Variants in GABRB1 observed in about 807,000 individuals in gnomAD.
The protein encoded by GABRB1 is gamma-aminobutyric acid type A receptor subunit beta1.
In GABRB1, 17 loss-of-function variants were observed where a neutral mutation model predicts 51.6. The ratio of observed to expected loss-of-function variants is 0.33; its 90% confidence interval spans 0.23 to 0.49. The LOEUF is 0.49. GABRB1 is among the 20% of genes least tolerant of loss of function. The pLI is 0.99. For synonymous variants in GABRB1, 247 were observed against 218.9 expected, an observed-to-expected ratio of 1.13 and a Z score of -1.14; for missense variants, 410 against 600.6, an observed-to-expected ratio of 0.68 and a Z score of 3.32.
chr4:47,150,610 T>C (rs1717397237), intron 3 of GABRB1, among the ~76,000 whole-genome samples: 1 of 146,310 alleles, frequency 6.8e-6, no homozygotes, highest in South Asian at 2.3e-4. Flanking sequence ...AATAAATATA[T>C]ACTATCTTTT....
At chr4:47,133,662 G>A (rs1716517417) in intron 3 of GABRB1, among the ~76,000 whole-genome samples, 1 of 152,156 alleles carries the variant, frequency 6.6e-6, no homozygotes. Context: ...TCCCATCTGA[G>A]TTAGTTTGAC....
At chr4:47,145,930 A>G (rs1717149460) in intron 3 of GABRB1, among the ~76,000 whole-genome samples, 1 of 152,048 alleles carries the variant, frequency 6.6e-6, no homozygotes, top group Non-Finnish European at 1.5e-5. Context: ...GCATCAGCAC[A>G]GCCTTTTTTT....
intron 5 of GABRB1, among the ~76,000 whole-genome samples, chr4:47,323,313 T>C (rs1388312288): frequency 6.6e-6 from 1 of 152,204 alleles, no homozygotes; most frequent in Non-Finnish European, 1.5e-5. Context: ...TAACAATAGA[T>C]AAACCAATGT....
chr4:47,357,641 A>T (rs1402447735), intron 5 of GABRB1, among the ~76,000 whole-genome samples: 1 of 152,212 alleles, frequency 6.6e-6, no homozygotes, highest in African/African-American at 2.4e-5. Context: ...CCATAACAGC[A>T]GCTTCTAAAG....
At chr4:47,254,361 GTTTTTTTTTTTT>G (rs56838956) in intron 4 of GABRB1, among the ~76,000 whole-genome samples, 54 of 80,960 alleles carry the variant, frequency 6.7e-4, no homozygotes, top group African/African-American at 2.5e-3. Context: ...TCTTTTCTTT[GTTTTTTTTTTTT>G]TTTTTTTTTT....
rs138333192 is a variant in GABRB1, at chr4:47,049,134, C to G, written c.240+16650C>G. Among the ~76,000 whole-genome samples the G allele has an allele frequency of 1.4e-3, 206 of 152,008 alleles. 2 individuals are homozygous for G. The highest frequency in any genetic ancestry group is 4.8e-3 in the African/African-American group (198 of 41,446). ...CAAATCCAAGTTTTCGTTGCTCCCT[C>G]CTTTGGCATCCATGTCATGGTTCAT... On this transcript the variant is annotated intron_variant, in intron 3 of 8. Transcript: ENST00000295454.
chr4:47,426,342 C>A lies in GABRB1; in HGVS notation c.*324C>A, dbSNP rs372181109. 3.8e-4 allele frequency: 68 copies of A among 178,458 alleles called. No homozygotes were observed. The highest frequency in any genetic ancestry group is 6.4e-4 in the Non-Finnish European group (56 of 87,836). 11.1% of individuals were successfully genotyped at this position (178,458 alleles called of 1,614,324 possible). ...TCTTTTCTAGTTTCCCTGGATTTCACTGATTTATTTTTTAGGGAAAATGAA... is the reference window on the plus strand; with the variant it reads ...TCTTTTCTAGTTTCCCTGGATTTCAATGATTTATTTTTTAGGGAAAATGAA... On this transcript the variant is annotated 3_prime_UTR_variant, in exon 9 of 9. Coordinates refer to ENST00000295454, the MANE Select transcript of GABRB1 (RefSeq NM_000812.4).
intron 4 of GABRB1, among the ~76,000 whole-genome samples, chr4:47,294,865 G>C (rs920349825): frequency 4.8e-4 from 73 of 152,172 alleles, no homozygotes; most frequent in African/African-American, 1.6e-3. Context: ...CCACAGTAGG[G>C]GCAGACTGAC....
At chr4:47,365,073 C>T (rs1726929937) in intron 5 of GABRB1, among the ~76,000 whole-genome samples, 1 of 152,218 alleles carries the variant, frequency 6.6e-6, no homozygotes, top group Non-Finnish European at 1.5e-5. Flanking sequence ...GAGAGGAAAG[C>T]AGTGAGCACC....
chr4:47,019,558 T>TCTCTCC, intron 1 of GABRB1, among the ~76,000 whole-genome samples: 1 of 150,960 alleles, frequency 6.6e-6, no homozygotes, highest in Admixed American at 6.6e-5. Flanking sequence ...TTTCTCTCTC[T>TCTCTCC]CTCTCTCTCT....
At chr4:47,419,107 C>T (rs150235154) in intron 8 of GABRB1, among the ~76,000 whole-genome samples, 30 of 152,180 alleles carry the variant, frequency 2.0e-4, no homozygotes, top group Non-Finnish European at 3.2e-4. Flanking sequence ...GACCATTTTC[C>T]TCCATAACAA....
intron 3 of GABRB1, among the ~76,000 whole-genome samples, chr4:47,082,936 A>G (rs1308289274): frequency 6.6e-6 from 1 of 152,120 alleles, no homozygotes; most frequent in Non-Finnish European, 1.5e-5. Flanking sequence ...GAAATCAGGA[A>G]TTTACCTTAA....
intron 7 of GABRB1, among the ~76,000 whole-genome samples, chr4:47,405,614 C>T (rs1045997066): frequency 6.6e-6 from 1 of 152,088 alleles, no homozygotes; most frequent in Admixed American, 6.5e-5. Flanking sequence ...GAATAACATA[C>T]AGTCCCTATC....
chr4:47,022,826 T>G (rs1185191247), intron 1 of GABRB1, among the ~76,000 whole-genome samples: 9 of 152,074 alleles, frequency 5.9e-5, no homozygotes, highest in Non-Finnish European at 7.4e-5. Context: ...TGCTAGGTAT[T>G]TATCCAAAAG....
At chr4:47,131,145 A>C (rs1464038710) in intron 3 of GABRB1, among the ~76,000 whole-genome samples, 2 of 152,118 alleles carry the variant, frequency 1.3e-5, no homozygotes, top group East Asian at 1.9e-4. Context: ...GCTTAAGTCC[A>C]AACTTTCTTC....
chr4:47,415,313 T>A (rs1310903714), intron 8 of GABRB1, among the ~76,000 whole-genome samples: 3 of 152,202 alleles, frequency 2.0e-5, no homozygotes, highest in African/African-American at 4.8e-5. Flanking sequence ...CCAAACAATT[T>A]GTCAGAAGTA....
intron 4 of GABRB1, among the ~76,000 whole-genome samples, chr4:47,206,562 A>T (rs1047821806): frequency 6.6e-6 from 1 of 151,988 alleles, no homozygotes; most frequent in African/African-American, 2.4e-5. Context: ...TTTGTTGCTT[A>T]CTATGTGTGA....
chr4:47,414,867 C>T (rs779083105), intron 8 of GABRB1, among the ~76,000 whole-genome samples: 6 of 152,160 alleles, frequency 3.9e-5, no homozygotes, highest in Non-Finnish European at 8.8e-5. Context: ...CAGCTTGAAA[C>T]AGCTCCCTAT....
At chr4:47,223,018 A>G (rs1055776943) in intron 4 of GABRB1, among the ~76,000 whole-genome samples, 8 of 152,142 alleles carry the variant, frequency 5.3e-5, no homozygotes, top group African/African-American at 1.9e-4. Flanking sequence ...TAAGCATTGT[A>G]GTACCCCAGG....
Sources: allele counts gnomAD v4.1 joint callset (sites outside exome capture counted in the v4.1 genomes callset), GRCh38; gene constraint gnomAD v4.1.1; transcripts MANE v1.5; gene names NCBI Gene and HGNC (gene_info 2026-07-23, HGNC 2026-07-21).